The following ADGRL3 variants were observed in gnomAD, a reference collection of about 807,000 sequenced individuals.
ADGRL3 encodes the protein calcium-independent alpha-latrotoxin receptor 3.
Under a neutral mutation model 153.5 loss-of-function variants are expected in ADGRL3, and 62 were observed. That is an observed-to-expected ratio of 0.40 (90% CI 0.33 to 0.50). The LOEUF (loss-of-function observed/expected upper bound fraction) is 0.50, where lower values mean the gene tolerates loss of function less well. Ranked by LOEUF, ADGRL3 falls within the 20% of genes least tolerant of loss-of-function variation. The pLI, the probability that ADGRL3 is intolerant of heterozygous loss-of-function variation, is 0.47. For missense variants in ADGRL3, 1,641 were observed against 1,859.4 expected, an observed-to-expected ratio of 0.88 and a Z score of 2.16; for synonymous variants, 710 against 672.5, an observed-to-expected ratio of 1.06 and a Z score of -0.86.
intron 2 of ADGRL3, among the ~76,000 whole-genome samples, chr4:61,430,244 A>G (rs191083462): frequency 1.8e-4 from 27 of 152,278 alleles, no homozygotes; most frequent in African/African-American, 6.3e-4. Context: ...AAGAGAATCA[A>G]CCAACCTTGT....
intron 2 of ADGRL3, among the ~76,000 whole-genome samples, chr4:61,447,194 C>G (rs528498402): frequency 9.9e-5 from 15 of 152,232 alleles, no homozygotes; most frequent in African/African-American, 3.1e-4. Flanking sequence ...ATTTTAGTGA[C>G]TCTTGCATTT....
At chr4:61,753,229 A>G (rs928755514) in intron 8 of ADGRL3, among the ~76,000 whole-genome samples, 1 of 100,410 alleles carries the variant, frequency 1.0e-5, no homozygotes, top group African/African-American at 5.4e-5. Flanking sequence ...CATTTCTGTG[A>G]AAAAAAAAAA....
At position 61,675,953 on chromosome 4, in the gene ADGRL3, T is replaced by C. The variant is rs116390243; in HGVS notation, c.474-873T>C. Reference sequence around the variant, plus strand: ...AACCATCTTCACTTCCTCCCCCCTCTACCCCTCACTCCGTTCCCAGCCTCT... The same window carrying C: ...AACCATCTTCACTTCCTCCCCCCTCCACCCCTCACTCCGTTCCCAGCCTCT... On this transcript the variant is annotated intron_variant, in intron 5 of 26. Coordinates refer to ENST00000683033, the MANE Select transcript of ADGRL3 (RefSeq NM_001387552.1). Among the ~76,000 whole-genome samples, 1,391 of 151,848 alleles carry C rather than the reference T, an allele frequency of 9.2e-3. 19 individuals carry two copies. Among genetic ancestry groups the C allele is most frequent in the African/African-American group, 0.032 (1,327 of 41,460 alleles).
chr4:61,370,894 C>T (rs1295696259), intron 1 of ADGRL3, among the ~76,000 whole-genome samples: 1 of 151,382 alleles, frequency 6.6e-6, no homozygotes, highest in Non-Finnish European at 1.5e-5. Flanking sequence ...TCAGGACTTG[C>T]TTTATGAATC....
At chr4:61,301,259 A>G (rs1435494753) in intron 1 of ADGRL3, among the ~76,000 whole-genome samples, 1 of 152,176 alleles carries the variant, frequency 6.6e-6, no homozygotes, top group Non-Finnish European at 1.5e-5. Context: ...TACACAAACG[A>G]CCTTGCAATT....
chr4:61,256,163 A>G (rs1452826792), intron 1 of ADGRL3, among the ~76,000 whole-genome samples: 2 of 152,102 alleles, frequency 1.3e-5, no homozygotes, highest in African/African-American at 2.4e-5. Context: ...TTTCCTTCTG[A>G]TAAGTTTTTC....
intron 2 of ADGRL3, among the ~76,000 whole-genome samples, chr4:61,424,640 A>G (rs1560609227): frequency 6.6e-6 from 1 of 152,180 alleles, no homozygotes; most frequent in Non-Finnish European, 1.5e-5. Flanking sequence ...TGTCCCTATA[A>G]GGGCACAGAT....
At chr4:62,029,849 C>G (rs1720987101) in intron 22 of ADGRL3, among the ~76,000 whole-genome samples, 1 of 151,282 alleles carries the variant, frequency 6.6e-6, no homozygotes, top group Non-Finnish European at 1.5e-5. Context: ...GGCAATATTG[C>G]CTTGATTTAA....
At chr4:61,630,043 T>C (rs2093065087) in intron 5 of ADGRL3, among the ~76,000 whole-genome samples, 1 of 152,156 alleles carries the variant, frequency 6.6e-6, no homozygotes, top group Non-Finnish European at 1.5e-5. Flanking sequence ...CATCTATGTA[T>C]TTTGCATGCA....
At chr4:61,300,309 C>G (rs1369865427) in intron 1 of ADGRL3, among the ~76,000 whole-genome samples, 1 of 152,132 alleles carries the variant, frequency 6.6e-6, no homozygotes, top group Non-Finnish European at 1.5e-5. Context: ...ATCTTACAAA[C>G]AAATCTGATT....
At chr4:61,709,580 A>G (rs1040588417) in intron 6 of ADGRL3, among the ~76,000 whole-genome samples, 3 of 152,188 alleles carry the variant, frequency 2.0e-5, no homozygotes, top group Admixed American at 6.5e-5. Context: ...GAAAGATTAT[A>G]TATAATTCAC....
chr4:62,004,688 A>T (rs544422205), intron 21 of ADGRL3, among the ~76,000 whole-genome samples: 1 of 152,204 alleles, frequency 6.6e-6, no homozygotes, highest in East Asian at 1.9e-4. Context: ...AAAGATTATT[A>T]GGTCAACATG....
chr4:61,547,747 T>C (rs1172385204), intron 4 of ADGRL3, among the ~76,000 whole-genome samples: 1 of 152,154 alleles, frequency 6.6e-6, no homozygotes, highest in Non-Finnish European at 1.5e-5. Context: ...TAGAACAATT[T>C]ATATTCCTTT....
intron 1 of ADGRL3, among the ~76,000 whole-genome samples, chr4:61,364,341 A>G (rs538534971): frequency 1.4e-5 from 2 of 147,896 alleles, no homozygotes; most frequent in Non-Finnish European, 1.5e-5. Flanking sequence ...CAAAAAAAAA[A>G]AAAAATAATA....
intron 6 of ADGRL3, among the ~76,000 whole-genome samples, chr4:61,687,619 A>T (rs1248384375): frequency 6.6e-6 from 1 of 152,052 alleles, no homozygotes; most frequent in Non-Finnish European, 1.5e-5. Context: ...GAATATATTA[A>T]ACCCAAGGCA....
At chr4:61,497,892 T>C (rs1432172512) in intron 3 of ADGRL3, among the ~76,000 whole-genome samples, 3 of 152,144 alleles carry the variant, frequency 2.0e-5, no homozygotes, top group Non-Finnish European at 4.4e-5. Context: ...CCTATTGAAA[T>C]GTATTTAAAA....
At position 61,957,754 on chromosome 4, in the gene ADGRL3, T is replaced by C. The variant is rs192224892; in HGVS notation, c.2805+9478T>C. ...CTAGTTAAAGCTTTGTTTTGATTAT[T>C]TCTTAAATATTTAAATTTATGAAAA... is the stretch of plus-strand genomic sequence containing the variant. On this transcript the variant is annotated intron_variant, in intron 17 of 26. Transcript: ENST00000683033. 5.1e-4 allele frequency among the ~76,000 whole-genome samples: 78 copies of C among 152,104 alleles called. 2 individuals carry two copies. The highest frequency in any genetic ancestry group is 4.7e-3 in the Admixed American group (72 of 15,274).
chr4:61,864,502 C>T (rs144818250), intron 9 of ADGRL3, among the ~76,000 whole-genome samples: 7 of 152,286 alleles, frequency 4.6e-5, no homozygotes, highest in Non-Finnish European at 8.8e-5. Flanking sequence ...GTATCAGATA[C>T]TTAACGTTAA....
intron 1 of ADGRL3, among the ~76,000 whole-genome samples, chr4:61,304,656 T>G (rs2094706933): frequency 6.6e-6 from 1 of 152,062 alleles, no homozygotes; most frequent in Non-Finnish European, 1.5e-5. Flanking sequence ...GTGTGTGTAT[T>G]GTGTGTTTTT....
Sources: allele counts gnomAD v4.1 joint callset (sites outside exome capture counted in the v4.1 genomes callset), GRCh38; gene constraint gnomAD v4.1.1; transcripts MANE v1.5; gene names NCBI Gene and HGNC (gene_info 2026-07-23, HGNC 2026-07-21).